The following PRKN variants were observed in gnomAD, a reference collection of about 807,000 sequenced individuals.
PRKN encodes E3 ubiquitin-protein ligase parkin.
In PRKN, 56 loss-of-function variants were observed where a neutral mutation model predicts 59.5. The observed-to-expected ratio is 0.94, with a 90% CI of 0.76 to 1.18. The LOEUF (loss-of-function observed/expected upper bound fraction) is 1.18, where lower values mean the gene tolerates loss of function less well. Ranked by LOEUF, PRKN falls within the 50% of genes most tolerant of loss-of-function variation. The probability of loss-of-function intolerance (pLI) is 0.00; values close to 1 mark genes in which losing one functional copy is unlikely to be tolerated. For synonymous variants in PRKN, 250 were observed against 222.1 expected (o/e 1.13, Z -1.12); for missense variants, 657 against 596.4 (o/e 1.10, Z -1.06).
At chr6:161,737,685 C>A (rs1214262820) in intron 7 of PRKN, among the ~76,000 whole-genome samples, 2 of 152,108 alleles carry the variant, frequency 1.3e-5, no homozygotes. Flanking sequence ...AGTGGCAGGG[C>A]CTTGGACTGT....
rs1044535203 is a variant in PRKN at position 162,099,683 on chromosome 6, T to G, written c.535-45509A>C. On this transcript the variant is annotated intron_variant, in intron 4 of 11. Coordinates refer to ENST00000366898, the MANE Select transcript of PRKN (RefSeq NM_004562.3). ...ACAAAAATGATATCTATTTATTGTA[T>G]ATAATGTTGTTTTGAAATATGTATG... Among the ~76,000 whole-genome samples, 3 of 152,218 alleles carry G rather than the reference T, an allele frequency of 2.0e-5. No individual in the cohort carries two copies. The East Asian group carries it at 5.8e-4, about 29-fold the overall frequency.
At position 161,526,613 on chromosome 6, in the gene PRKN, C is replaced by A. The variant is rs1054511999; in HGVS notation, c.1083+22241G>T. 6.7e-6 allele frequency among the ~76,000 whole-genome samples: 1 copy of A among 150,176 alleles called. No homozygotes were observed. The highest frequency in any genetic ancestry group is 6.6e-5 in the Admixed American group (1 of 15,044). ...ATAAATAAATATAATGAAATAAAAT[C>A]TCAAAGCATCAGTAATTGCTACATG... On this transcript the variant is annotated intron_variant, in intron 9 of 11. Transcript: ENST00000366898. This position sits in a 1 kb window ranked among gnomAD's most constrained non-coding sequence, Gnocchi z 4.1.
At chr6:161,853,113 G>A (rs756048584) in intron 6 of PRKN, among the ~76,000 whole-genome samples, 1 of 152,196 alleles carries the variant, frequency 6.6e-6, no homozygotes, top group Non-Finnish European at 1.5e-5. Context: ...GGGAAAACTT[G>A]AGAACTGAAA....
At chr6:161,439,659 G>A (rs1215704496) in intron 9 of PRKN, among the ~76,000 whole-genome samples, 1 of 152,058 alleles carries the variant, frequency 6.6e-6, no homozygotes, top group African/African-American at 2.4e-5. Context: ...ACCGGTTTGT[G>A]CCAAAGAGCT....
At chr6:162,157,687 G>A (rs2849582) in intron 4 of PRKN, among the ~76,000 whole-genome samples, 10,547 of 151,966 alleles carry the variant, frequency 0.069, 780 homozygotes, top group East Asian at 0.4. Flanking sequence ...GCAGATGGCG[G>A]ACTATATTAA....
At chr6:162,290,945 G>GA (rs1360456507) in intron 2 of PRKN, among the ~76,000 whole-genome samples, 1 of 152,168 alleles carries the variant, frequency 6.6e-6, no homozygotes, top group Admixed American at 6.6e-5. Context: ...GCTTCTGGTA[G>GA]AAAGAGCATT....
At chr6:162,001,432 T>C (rs1782051130) in intron 5 of PRKN, among the ~76,000 whole-genome samples, 1 of 152,062 alleles carries the variant, frequency 6.6e-6, no homozygotes, top group African/African-American at 2.4e-5. Context: ...TATTGCGTTC[T>C]TAATCCGAAA....
intron 7 of PRKN, among the ~76,000 whole-genome samples, chr6:161,707,582 G>A (rs936896950): frequency 2.0e-5 from 3 of 152,170 alleles, no homozygotes; most frequent in Non-Finnish European, 4.4e-5. Flanking sequence ...GTCACACTTT[G>A]AACAGCAGTA....
chr6:162,002,554 T>A (rs1001063789), intron 5 of PRKN, among the ~76,000 whole-genome samples: 1 of 147,580 alleles, frequency 6.8e-6, no homozygotes, highest in East Asian at 2.0e-4. Flanking sequence ...GATAGTCTTA[T>A]TGATTTTTTA....
intron 8 of PRKN, among the ~76,000 whole-genome samples, chr6:161,567,772 C>G (rs1780711917): frequency 6.6e-6 from 1 of 152,144 alleles, no homozygotes; most frequent in Admixed American, 6.5e-5. Flanking sequence ...ACTAATTACC[C>G]ATGGACTCTA....
chr6:162,381,707 T>G (rs1372516349), intron 2 of PRKN, among the ~76,000 whole-genome samples: 1 of 152,202 alleles, frequency 6.6e-6, no homozygotes, highest in African/African-American at 2.4e-5. Context: ...ATGATATGTT[T>G]TTACCATTAC....
At chr6:161,531,028 TA>T (rs1779185960) in intron 9 of PRKN, among the ~76,000 whole-genome samples, 1 of 152,234 alleles carries the variant, frequency 6.6e-6, no homozygotes. Context: ...CATCTGATAA[TA>T]ATGTTTATTT....
chr6:162,078,901 G>T (rs1778944825), intron 4 of PRKN, among the ~76,000 whole-genome samples: 1 of 151,716 alleles, frequency 6.6e-6, no homozygotes, highest in African/African-American at 2.4e-5. Flanking sequence ...CTTTAAAAAA[G>T]ATTAGGTAAG....
chr6:161,571,189 C>T (rs1290048004), intron 7 of PRKN, among the ~76,000 whole-genome samples: 1 of 152,178 alleles, frequency 6.6e-6, no homozygotes, highest in Non-Finnish European at 1.5e-5. Flanking sequence ...AAGTGACGCT[C>T]CCGCTTCAGC....
intron 4 of PRKN, among the ~76,000 whole-genome samples, chr6:162,128,787 A>G (rs1781226347): frequency 6.6e-6 from 1 of 152,230 alleles, no homozygotes; most frequent in Admixed American, 6.5e-5. Context: ...GAGGCCCCAG[A>G]GAGCTGCCTC....
At chr6:162,080,030 A>G (rs1428705200) in intron 4 of PRKN, among the ~76,000 whole-genome samples, 11 of 152,008 alleles carry the variant, frequency 7.2e-5, no homozygotes, top group Admixed American at 7.2e-4. Flanking sequence ...TGGTGACTGC[A>G]TTTCCCTAGG....
chr6:162,637,364 C>T (rs1777766427), intron 1 of PRKN, among the ~76,000 whole-genome samples: 1 of 145,308 alleles, frequency 6.9e-6, no homozygotes, highest in Non-Finnish European at 1.5e-5. Flanking sequence ...TGCAAATACA[C>T]ACACTGGTGC....
At chr6:161,625,058 C>T (rs934990127) in intron 7 of PRKN, among the ~76,000 whole-genome samples, 4 of 152,156 alleles carry the variant, frequency 2.6e-5, no homozygotes, top group Non-Finnish European at 5.9e-5. Flanking sequence ...CAGGAAAAGT[C>T]CTATGCCCTT....
intron 5 of PRKN, among the ~76,000 whole-genome samples, chr6:162,005,768 C>CAAAT (rs1389633499): frequency 6.6e-6 from 1 of 151,994 alleles, no homozygotes; most frequent in Non-Finnish European, 1.5e-5. Flanking sequence ...TCAAATCTAA[C>CAAAT]CTTTTTTGGG....
Sources: allele counts gnomAD v4.1 joint callset (sites outside exome capture counted in the v4.1 genomes callset), GRCh38; gene constraint gnomAD v4.1.1; non-coding constraint Gnocchi (gnomAD v3.1); transcripts MANE v1.5; gene names NCBI Gene and HGNC (gene_info 2026-07-23, HGNC 2026-07-21).